Variants in ZNF16 observed in about 807,000 individuals in gnomAD.
ZNF16 encodes the protein zinc finger protein KOX9.
A neutral mutation model predicts 9.0 loss-of-function variants in ZNF16; 7 were observed. The ratio of observed to expected loss-of-function variants is 0.78; its 90% CI spans 0.44 to 1.47. ZNF16 has a LOEUF of 1.47. Ranked by LOEUF, ZNF16 falls within the 40% of genes most tolerant of loss-of-function variation. The probability of loss-of-function intolerance (pLI) is 0.01; values close to 1 mark genes in which losing one functional copy is unlikely to be tolerated. For synonymous variants in ZNF16, 312 were observed against 301.5 expected (o/e 1.03, Z -0.36); for missense variants, 830 against 854.2 (o/e 0.97, Z 0.35).
intron 2 of ZNF16, among the ~76,000 whole-genome samples, chr8:144,939,043 G>C (rs1298009886): frequency 2.0e-5 from 3 of 152,054 alleles, no homozygotes; most frequent in Admixed American, 6.6e-5. Flanking sequence ...TACAACACTA[G>C]GTTTTCTTAT....
At position 144,931,291 on chromosome 8, in the gene ZNF16, C is replaced by G. The variant is rs775340772; in HGVS notation, c.1496G>C (p.Ser499Thr). The G allele has an allele frequency of 6.4e-5, 103 of 1,614,096 alleles. No individual in the cohort carries two copies. The highest frequency in any genetic ancestry group is 8.4e-5 in the Non-Finnish European group (99 of 1,180,042). The part of the protein sequence containing the change: ...YRCSVCGKAF[S>T]HSSALIQHQG... ...GTGCTGAATGAGGGCTGAGCTGTGG[C>G]TGAAGGCCTTCCCACAGACACTGCA... The change falls in exon 3 of 3, where the codon AGC becomes ACC. Residue 499 changes from serine to threonine, a missense_variant. Ser to Thr is a moderately conservative substitution (Grantham distance 58). Transcript: ENST00000394909.
chr8:144,931,595 C>A lies in ZNF16; in HGVS notation c.1192G>T (p.Val398Phe). 1.2e-6 allele frequency: 2 copies of A among 1,614,086 alleles called. No homozygotes were observed. The highest frequency in any genetic ancestry group is 2.2e-5 in the South Asian group (2 of 91,078). ...QSAHLRKHQR[V>F]HTGEKPYECN... ...TCATAAGGCTTCTCTCCAGTGTGGACCCTCTGGTGCTTCCTCAGGTGTGCA... is the reference window on the plus strand; with the variant it reads ...TCATAAGGCTTCTCTCCAGTGTGGAACCTCTGGTGCTTCCTCAGGTGTGCA... Residue 398 changes from valine to phenylalanine, a missense_variant, in exon 3 of 3, where the codon GTC becomes TTC. Val to Phe is a conservative substitution (Grantham distance 50, BLOSUM62 -1). Transcript: ENST00000394909.
chr8:144,932,961 G>A lies in ZNF16; in HGVS notation c.197-371C>T, dbSNP rs1338645736. Among the ~76,000 whole-genome samples, 3 of 152,178 alleles carry A rather than the reference G, an allele frequency of 2.0e-5. No individual in the cohort carries two copies. Among genetic ancestry groups the A allele is most frequent in the Non-Finnish European group, 2.9e-5 (2 of 68,038 alleles). On this transcript the variant is annotated intron_variant, in intron 2 of 2. Transcript: ENST00000394909. The surrounding 1 kb of genome is among the most constrained non-coding windows in gnomAD (Gnocchi z 5.0). ...AGTCCTGTCAGCTCTACCTCAGAGTGCAGCCCAAATCCAGGTGCTTCTCAC... is the reference window on the plus strand; with the variant it reads ...AGTCCTGTCAGCTCTACCTCAGAGTACAGCCCAAATCCAGGTGCTTCTCAC...
chr8:144,941,153 T>G (rs1032321783), intron 2 of ZNF16, among the ~76,000 whole-genome samples: 9 of 152,204 alleles, frequency 5.9e-5, no homozygotes, highest in African/African-American at 2.2e-4. Flanking sequence ...GTTCTATCCA[T>G]TTTTCAAAGT....
intron 2 of ZNF16, among the ~76,000 whole-genome samples, chr8:144,941,976 A>ATTT (rs1000299480): frequency 0.03 from 2,780 of 91,970 alleles, 46 homozygotes; most frequent in Middle Eastern, 0.082. Flanking sequence ...CATTTTTAAG[A>ATTT]TTTTTTTTTT....
chr8:144,948,788 T>C (rs1217700633), intron 1 of ZNF16, among the ~76,000 whole-genome samples: 1 of 152,204 alleles, frequency 6.6e-6, no homozygotes, highest in East Asian at 1.9e-4. Flanking sequence ...TGTGGGATCT[T>C]GCTTACCAGG....
At chr8:144,944,571 G>GT (rs2130045422) in intron 2 of ZNF16, 1 of 152,368 alleles carries the variant, frequency 6.6e-6, no homozygotes, top group African/African-American at 2.4e-5. Context: ...TTGATTTGAA[G>GT]TTTTTGTCTA....
intron 1 of ZNF16, among the ~76,000 whole-genome samples, chr8:144,949,937 A>T (rs551254749): frequency 6.6e-6 from 1 of 152,154 alleles, no homozygotes; most frequent in Non-Finnish European, 1.5e-5. Context: ...GAGATAGAGG[A>T]AGGCCACTCT....
rs531358264 is a variant in ZNF16, at chr8:144,931,950, G to C, written c.837C>G (p.Asp279Glu). The change falls in exon 3 of 3, where the codon GAC becomes GAG. Residue 279 changes from aspartate to glutamate, a missense_variant. Physicochemically the swap from Asp to Glu is conservative, Grantham distance 45. Transcript: ENST00000394909. ...TGTGGTGACTCTGATGCCTAGAAAA[G>C]TCTGAGTGCCCTCGGAAGGCTTTCC... ...ECGKAFRGHS[D>E]FSRHQSHHSS... 152 of 1,613,582 alleles carry C rather than the reference G, an allele frequency of 9.4e-5. 1 individual carries two copies. The South Asian group carries it at 1.6e-3, about 17-fold the overall frequency.
chr8:144,936,972 G>A (rs191286765), intron 2 of ZNF16, among the ~76,000 whole-genome samples: 2 of 152,190 alleles, frequency 1.3e-5, no homozygotes, highest in Non-Finnish European at 2.9e-5. Context: ...TGGGATTGCA[G>A]TTGTGAGCCA....
chr8:144,932,361 C>G lies in ZNF16; in HGVS notation c.426G>C (p.Gly142=). 2 of 1,614,094 alleles carry G rather than the reference C, an allele frequency of 1.2e-6. No homozygotes were observed. Among genetic ancestry groups the G allele is most frequent in the Non-Finnish European group, 8.5e-7 (1 of 1,180,006 alleles). The change falls in exon 3 of 3, where the codon GGG becomes GGC. Residue 142 remains glycine, a synonymous_variant. Transcript: ENST00000394909. The surrounding 1 kb of genome is among the most constrained non-coding windows in gnomAD (Gnocchi z 5.0). ...TCTCCCCTAAGGGGCCCCTAAGGAG[C>G]CCCATGGCAGCTGGTGTGAAGTCCC... ...QEGDFTPAAM[G]LLRGPLGEKD...
At chr8:144,950,033 CT>C (rs1269197039) in intron 1 of ZNF16, among the ~76,000 whole-genome samples, 1 of 152,206 alleles carries the variant, frequency 6.6e-6, no homozygotes, top group East Asian at 1.9e-4. Context: ...AAAAACTGCC[CT>C]ATGGTGAGAG....
At chr8:144,934,055 C>G (rs985013798) in intron 2 of ZNF16, among the ~76,000 whole-genome samples, 1 of 152,132 alleles carries the variant, frequency 6.6e-6, no homozygotes, top group African/African-American at 2.4e-5. Context: ...CTCTCCCTGT[C>G]TGGGACTTCC....
intron 2 of ZNF16, among the ~76,000 whole-genome samples, chr8:144,938,045 G>A (rs1411661756): frequency 1.3e-5 from 2 of 152,154 alleles, no homozygotes; most frequent in Non-Finnish European, 2.9e-5. Context: ...CTCATTGATT[G>A]AAAGGACTTG....
rs377247562 is a variant in ZNF16, at chr8:144,943,721, C to T, written c.196+2290G>A. Among the ~76,000 whole-genome samples the T allele has an allele frequency of 1.7e-3, 258 of 152,122 alleles. 1 individual carries two copies. The highest frequency in any genetic ancestry group is 6.3e-4 in the Non-Finnish European group (43 of 67,980). On this transcript the variant is annotated intron_variant, in intron 2 of 2. Coordinates refer to ENST00000394909, the MANE Select transcript of ZNF16 (RefSeq NM_006958.3). ...TTTTAGTAGAGACAGGGTTTCACCA[C>T]GTTGGCCAAGATTCTCTCGATCTCC...
intron 1 of ZNF16, 50 bp from the exon 2 acceptor site, chr8:144,946,265 G>T (rs1438895966): frequency 7.1e-7 from 1 of 1,418,240 alleles, no homozygotes; most frequent in Non-Finnish European, 9.3e-7. Context: ...CTAGCTCTAG[G>T]GATTCATCCT....
In ZNF16 at chr8:144,946,216, C is replaced by T; in HGVS notation, c.-9-1G>A. 6.6e-7 allele frequency: 1 copy of T among 1,504,628 alleles called. No individual in the cohort carries two copies. Among genetic ancestry groups the T allele is most frequent in the Non-Finnish European group, 8.9e-7 (1 of 1,121,618 alleles). 93.2% of individuals were successfully genotyped at this position (1,504,628 alleles called of 1,614,324 possible). ...TTCTGAGGCTGGGCATGACAAGGAC[C>T]TGAAAACCGGCAAGAACACAGGTGA... On this transcript the variant is annotated splice_acceptor_variant, in intron 1 of 2. Coordinates refer to ENST00000394909, the MANE Select transcript of ZNF16 (RefSeq NM_006958.3). LOFTEE classifies it low-confidence loss of function (5UTR_SPLICE).
At chr8:144,946,247 C>A (rs754652190) in intron 1 of ZNF16, 32 bp from the exon 2 acceptor site, 1 of 1,474,788 alleles carries the variant, frequency 6.8e-7, no homozygotes, top group Non-Finnish European at 9.0e-7. Context: ...GGTGAGTCTA[C>A]AGACAGGCTA....
chr8:144,946,392 G>A (rs1833928715), intron 1 of ZNF16, among the ~76,000 whole-genome samples, 177 bp from the exon 2 acceptor site: 1 of 152,152 alleles, frequency 6.6e-6, no homozygotes. Flanking sequence ...TAAAAAGAGG[G>A]AGTCAGCCAT....
Sources: gnomAD v4.1 joint callset for allele counts (sites outside exome capture counted in the v4.1 genomes callset) on GRCh38, gnomAD v4.1.1 for gene constraint, Gnocchi (gnomAD v3.1) non-coding constraint, MANE v1.5 for transcripts, NCBI Gene and HGNC (gene_info 2026-07-23, HGNC 2026-07-21) for gene names.